The following COL10A1 variants were observed in gnomAD, a reference collection of about 807,000 sequenced individuals.
COL10A1 encodes collagen alpha-1(X) chain.
A neutral mutation model predicts 18.2 loss-of-function variants in COL10A1; 10 were observed. The ratio of observed to expected loss-of-function variants is 0.55; its 90% CI spans 0.34 to 0.93. The LOEUF is 0.93. Among genes scored for constraint, COL10A1 ranks in the 40% least tolerant of loss-of-function variants. The probability of loss-of-function intolerance (pLI) is 0.02; values close to 1 mark genes in which losing one functional copy is unlikely to be tolerated. For missense variants in COL10A1, 897 were observed against 853.5 expected, an observed-to-expected ratio of 1.05 and a Z score of -0.64; for synonymous variants, 330 against 316.6, an observed-to-expected ratio of 1.04 and a Z score of -0.45.
At chr6:116,145,127 T>C (rs895334421) in intron 1 of COL10A1, among the ~76,000 whole-genome samples, 1 of 152,204 alleles carries the variant, frequency 6.6e-6, no homozygotes, top group Non-Finnish European at 1.5e-5. Context: ...TCTTGAAGCA[T>C]TATAATAGAT....
chr6:116,157,984 C>T (rs1292636792), intron 1 of COL10A1, among the ~76,000 whole-genome samples: 1 of 152,202 alleles, frequency 6.6e-6, no homozygotes, highest in Non-Finnish European at 1.5e-5. Flanking sequence ...TCTTTCAGTA[C>T]TTCCCTTTCC....
chr6:116,202,904 A>G, the COL10A1 span, among the ~76,000 whole-genome samples: 1 of 152,044 alleles, frequency 6.6e-6, no homozygotes, highest in African/African-American at 2.4e-5. Context: ...TACAAAGGCA[A>G]CAAATATTAC....
chr6:116,150,483 C>T (rs980565912), intron 1 of COL10A1, among the ~76,000 whole-genome samples: 1 of 152,062 alleles, frequency 6.6e-6, no homozygotes, highest in African/African-American at 2.4e-5. Flanking sequence ...CAGGGTTTTA[C>T]CATGTTGGCC....
the COL10A1 span, among the ~76,000 whole-genome samples, chr6:116,172,523 T>C: frequency 1.3e-5 from 2 of 152,116 alleles, no homozygotes; most frequent in Admixed American, 1.3e-4. Flanking sequence ...GGTTTCACCA[T>C]GTTGGCCAGG....
intron 2 of COL10A1, among the ~76,000 whole-genome samples, chr6:116,124,915 A>C (rs1421722286): frequency 1.3e-5 from 2 of 152,130 alleles, no homozygotes; most frequent in Non-Finnish European, 1.5e-5. Context: ...GGGCTAGTTG[A>C]ATTAGTTTTA....
At chr6:116,187,638 C>T in the COL10A1 span, among the ~76,000 whole-genome samples, 1 of 151,998 alleles carries the variant, frequency 6.6e-6, no homozygotes, top group African/African-American at 2.4e-5. Context: ...TAAAGGGTGC[C>T]TGGAGAGTTG....
the COL10A1 span, among the ~76,000 whole-genome samples, chr6:116,191,703 T>C: frequency 1.3e-5 from 2 of 152,078 alleles, no homozygotes; most frequent in Non-Finnish European, 2.9e-5. Context: ...TTGTCTTTTT[T>C]GTGTAATAAT....
the COL10A1 span, among the ~76,000 whole-genome samples, chr6:116,173,399 C>T: frequency 1.3e-5 from 2 of 152,178 alleles, no homozygotes; most frequent in Admixed American, 6.5e-5. Flanking sequence ...AAAACACTGA[C>T]GGTTCCTTCC....
At chr6:116,199,435 C>A in the COL10A1 span, among the ~76,000 whole-genome samples, 1 of 152,068 alleles carries the variant, frequency 6.6e-6, no homozygotes, top group Non-Finnish European at 1.5e-5. Context: ...CCTTTAACTA[C>A]TCTAAGCCTT....
At chr6:116,212,204 T>C in the COL10A1 span, among the ~76,000 whole-genome samples, 3 of 151,862 alleles carry the variant, frequency 2.0e-5, no homozygotes, top group Admixed American at 6.6e-5. Context: ...ATGTTCTTTT[T>C]TCCTTTTTCT....
the COL10A1 span, among the ~76,000 whole-genome samples, chr6:116,173,202 G>A: frequency 6.6e-6 from 1 of 152,118 alleles, no homozygotes. Context: ...TTCATCTAAA[G>A]TGTAAACTAT....
intron 1 of COL10A1, among the ~76,000 whole-genome samples, chr6:116,154,562 T>C (rs1780133226): frequency 6.6e-6 from 1 of 152,146 alleles, no homozygotes; most frequent in Non-Finnish European, 1.5e-5. Flanking sequence ...TTGTATTTGC[T>C]TTTTTAAAAA....
At chr6:116,185,395 G>C in the COL10A1 span, among the ~76,000 whole-genome samples, 1 of 152,060 alleles carries the variant, frequency 6.6e-6, no homozygotes, top group African/African-American at 2.4e-5. Flanking sequence ...CTAGGGTATA[G>C]TTTAAGTCCA....
chr6:116,125,109 T>C (rs1403748030), intron 2 of COL10A1, among the ~76,000 whole-genome samples: 2 of 152,222 alleles, frequency 1.3e-5, no homozygotes, highest in South Asian at 2.1e-4. Context: ...AAAGTTCTGA[T>C]TTTTTGCAGG....
chr6:116,211,512 G>A, the COL10A1 span, among the ~76,000 whole-genome samples: 1 of 152,038 alleles, frequency 6.6e-6, no homozygotes, highest in Non-Finnish European at 1.5e-5. Flanking sequence ...TGTATTTTAT[G>A]TATGTTTTTA....
chr6:116,119,981 T>G lies in COL10A1; in HGVS notation c.*92A>C. On this transcript the variant is annotated 3_prime_UTR_variant, in exon 3 of 3. Transcript: ENST00000651968. ...ATTTCAGAAAATAAAAATTACATTC[T>G]TTTCAGCCTACCTCCATATGCATTT... 3.5e-6 allele frequency: 4 copies of G among 1,136,366 alleles called. No homozygotes were observed. Among genetic ancestry groups the G allele is most frequent in the South Asian group, 1.3e-5 (1 of 79,416 alleles). The allele number at this position is 1,136,366 out of a possible 1,614,324, so 70.4% of individuals were successfully genotyped here.
At chr6:116,157,373 G>A (rs950437257) in intron 1 of COL10A1, among the ~76,000 whole-genome samples, 3 of 152,178 alleles carry the variant, frequency 2.0e-5, no homozygotes, top group Admixed American at 6.5e-5. Context: ...CCTTATTACA[G>A]TCTTTGGCCA....
At chr6:116,173,031 T>C in the COL10A1 span, among the ~76,000 whole-genome samples, 1 of 152,228 alleles carries the variant, frequency 6.6e-6, no homozygotes, top group Non-Finnish European at 1.5e-5. Context: ...TTCACAGATA[T>C]TATTTTGGAG....
At chr6:116,142,397 G>T (rs1779790136) in intron 1 of COL10A1, among the ~76,000 whole-genome samples, 1 of 151,160 alleles carries the variant, frequency 6.6e-6, no homozygotes. Flanking sequence ...CCTCTTTCAG[G>T]TTTCATTTTT....
Sources: gnomAD v4.1 joint callset for allele counts (sites outside exome capture counted in the v4.1 genomes callset) on GRCh38, gnomAD v4.1.1 for gene constraint, MANE v1.5 for transcripts, NCBI Gene and HGNC (gene_info 2026-07-23, HGNC 2026-07-21) for gene names.